The following GRM8 variants were observed in gnomAD, a reference collection of about 807,000 sequenced individuals.
The protein encoded by GRM8 is glutamate metabotropic receptor 8.
A neutral mutation model predicts 87.2 loss-of-function variants in GRM8; 47 were observed. The observed-to-expected ratio is 0.54, with a 90% CI of 0.43 to 0.69. The LOEUF (loss-of-function observed/expected upper bound fraction) is 0.69, where lower values mean the gene tolerates loss of function less well. GRM8 is among the 30% of genes least tolerant of loss of function. GRM8 has a pLI of 0.00. For synonymous variants in GRM8, 396 were observed against 404.5 expected, an observed-to-expected ratio of 0.98 and a Z score of 0.25; for missense variants, 1,019 against 1,139.2, an observed-to-expected ratio of 0.89 and a Z score of 1.52.
intron 2 of GRM8, among the ~76,000 whole-genome samples, chr7:127,210,180 G>A (rs1435088011): frequency 6.6e-6 from 1 of 152,178 alleles, no homozygotes; most frequent in East Asian, 1.9e-4. Context: ...GGATTATGAG[G>A]CCACATCACA....
chr7:126,682,891 A>C (rs1463769240), intron 7 of GRM8, among the ~76,000 whole-genome samples: 1 of 152,184 alleles, frequency 6.6e-6, no homozygotes, highest in Non-Finnish European at 1.5e-5. Context: ...TTTACTAAAA[A>C]TACAAAAATT....
At chr7:126,948,313 T>C (rs1381778948) in intron 3 of GRM8, among the ~76,000 whole-genome samples, 1 of 151,434 alleles carries the variant, frequency 6.6e-6, no homozygotes, top group African/African-American at 2.4e-5. Flanking sequence ...ATAAGGAGTT[T>C]TGAGGCACAC....
chr7:127,129,197 T>C (rs1311135100), intron 2 of GRM8, among the ~76,000 whole-genome samples: 1 of 152,186 alleles, frequency 6.6e-6, no homozygotes, highest in Non-Finnish European at 1.5e-5. Context: ...TTAATAAATC[T>C]ATAGAATCAA....
At chr7:127,102,461 T>G (rs1825376448) in intron 3 of GRM8, among the ~76,000 whole-genome samples, 1 of 152,162 alleles carries the variant, frequency 6.6e-6, no homozygotes, top group South Asian at 2.1e-4. Flanking sequence ...GAAGAGTCCT[T>G]TCATGGGCCA....
intron 7 of GRM8, among the ~76,000 whole-genome samples, chr7:126,765,161 G>T (rs1454222416): frequency 1.3e-5 from 2 of 151,972 alleles, no homozygotes; most frequent in Non-Finnish European, 2.9e-5. Flanking sequence ...TTAAAGAATA[G>T]CTAAACCCTG....
At chr7:127,094,289 T>C (rs1043947391) in intron 3 of GRM8, among the ~76,000 whole-genome samples, 5 of 152,178 alleles carry the variant, frequency 3.3e-5, no homozygotes, top group Admixed American at 1.3e-4. Context: ...GGGCTGAGCA[T>C]GGGAGAGAAG....
intron 7 of GRM8, among the ~76,000 whole-genome samples, chr7:126,618,522 C>G (rs7783372): frequency 0.016 from 2,374 of 152,264 alleles, 48 homozygotes; most frequent in African/African-American, 0.042. Context: ...TCAAAATTGA[C>G]AAATGGGATC....
chr7:126,720,697 T>C (rs1464205710), intron 7 of GRM8, among the ~76,000 whole-genome samples: 1 of 152,198 alleles, frequency 6.6e-6, no homozygotes, highest in Admixed American at 6.5e-5. Context: ...TGTTTATAAA[T>C]AGACAAAAAT....
intron 8 of GRM8, among the ~76,000 whole-genome samples, chr7:126,608,481 G>A (rs1477270893): frequency 6.6e-6 from 1 of 152,170 alleles, no homozygotes; most frequent in East Asian, 1.9e-4. Flanking sequence ...CCAGGCCTTG[G>A]GAACTTGCTT....
At chr7:126,963,634 G>A (rs1247270130) in intron 3 of GRM8, among the ~76,000 whole-genome samples, 2 of 152,024 alleles carry the variant, frequency 1.3e-5, no homozygotes, top group Non-Finnish European at 2.9e-5. Context: ...ACCTCTTCAA[G>A]GAGAAAAACC....
At chr7:127,027,211 A>T (rs1447552833) in intron 3 of GRM8, among the ~76,000 whole-genome samples, 2 of 152,202 alleles carry the variant, frequency 1.3e-5, no homozygotes, top group Non-Finnish European at 2.9e-5. Context: ...TTTTGGTACC[A>T]GTACCATGCT....
chr7:126,850,115 T>G (rs922996097), intron 6 of GRM8, among the ~76,000 whole-genome samples: 1 of 152,176 alleles, frequency 6.6e-6, no homozygotes, highest in Non-Finnish European at 1.5e-5. Context: ...ACATCAATCA[T>G]AATTTCCACC....
chr7:126,652,115 C>T (rs759835246), intron 7 of GRM8, among the ~76,000 whole-genome samples: 13 of 152,158 alleles, frequency 8.5e-5, no homozygotes, highest in Non-Finnish European at 1.5e-4. Context: ...TATGTATACA[C>T]CTGTACTAAG....
intron 8 of GRM8, among the ~76,000 whole-genome samples, chr7:126,545,800 C>T (rs958003726): frequency 2.6e-5 from 4 of 152,154 alleles, no homozygotes; most frequent in Admixed American, 6.6e-5. Context: ...AATGGCAATT[C>T]TGCAAATTTT....
intron 9 of GRM8, among the ~76,000 whole-genome samples, chr7:126,471,931 G>A (rs1382688294): frequency 6.6e-6 from 1 of 152,116 alleles, no homozygotes; most frequent in African/African-American, 2.4e-5. Context: ...GGATTCCTAG[G>A]TATTTTATTC....
At chr7:127,008,545 T>G (rs1301559230) in intron 3 of GRM8, among the ~76,000 whole-genome samples, 1 of 152,156 alleles carries the variant, frequency 6.6e-6, no homozygotes, top group Non-Finnish European at 1.5e-5. Context: ...TCAAACTGTT[T>G]GTGTTTTATG....
intron 9 of GRM8, among the ~76,000 whole-genome samples, chr7:126,493,681 C>T (rs1466756967): frequency 6.6e-6 from 1 of 151,988 alleles, no homozygotes; most frequent in Non-Finnish European, 1.5e-5. Flanking sequence ...AGCTCTGTGA[C>T]CTTGACAGAG....
chr7:126,876,469 G>A (rs11972390), intron 6 of GRM8, among the ~76,000 whole-genome samples: 3,351 of 152,224 alleles, frequency 0.022, 133 homozygotes, highest in African/African-American at 0.077. Context: ...GAAACTGAGA[G>A]AATTTAATCA....
intron 9 of GRM8, among the ~76,000 whole-genome samples, chr7:126,477,581 G>GAAAGAA (rs1355991858): frequency 1.3e-5 from 1 of 79,168 alleles, no homozygotes; most frequent in African/African-American, 6.1e-5. Flanking sequence ...GAAAGAAAGA[G>GAAAGAA]AGAAAGAAAG....
Sources: allele counts gnomAD v4.1 joint callset (sites outside exome capture counted in the v4.1 genomes callset), GRCh38; gene constraint gnomAD v4.1.1; transcripts MANE v1.5; gene names NCBI Gene and HGNC (gene_info 2026-07-23, HGNC 2026-07-21).